SYT13: variants seen among roughly 807,000 people sequenced by gnomAD.
SYT13 encodes the protein synaptotagmin 13, also known as synaptotagmin-13.
In SYT13, 21 loss-of-function variants were observed where a neutral mutation model predicts 38.6. That is an observed-to-expected ratio of 0.54 (90% CI 0.39 to 0.78). SYT13 has a LOEUF of 0.78. Ranked by LOEUF, SYT13 falls within the 30% of genes least tolerant of loss-of-function variation. SYT13 has a pLI of 0.00. For missense variants in SYT13, 495 were observed against 548.7 expected, an observed-to-expected ratio of 0.90 and a Z score of 0.98; for synonymous variants, 241 against 237.6, an observed-to-expected ratio of 1.01 and a Z score of -0.13.
intron 1 of SYT13, among the ~76,000 whole-genome samples, chr11:45,277,728 T>A (rs909491232): frequency 6.6e-6 from 1 of 152,174 alleles, no homozygotes; most frequent in Admixed American, 6.5e-5. Context: ...CTTCTCCAAC[T>A]CTAGCTCGCA....
intron 1 of SYT13, among the ~76,000 whole-genome samples, chr11:45,273,077 T>C (rs936949501): frequency 6.6e-6 from 1 of 152,198 alleles, no homozygotes; most frequent in African/African-American, 2.4e-5. Context: ...TGGCACATTA[T>C]AACTGGGTAA....
chr11:45,261,668 C>A (rs1279080737), intron 1 of SYT13, among the ~76,000 whole-genome samples: 2 of 151,868 alleles, frequency 1.3e-5, no homozygotes, highest in African/African-American at 4.8e-5. Context: ...ATAATCCCAG[C>A]ACTTTGGGAG....
intron 1 of SYT13, among the ~76,000 whole-genome samples, chr11:45,268,468 T>C (rs1228284383): frequency 1.3e-5 from 2 of 152,038 alleles, no homozygotes; most frequent in African/African-American, 4.8e-5. Context: ...AGCTAAAATT[T>C]GAAGAAAAAG....
intron 4 of SYT13, among the ~76,000 whole-genome samples, chr11:45,248,260 T>C (rs1792055281): frequency 6.6e-6 from 1 of 152,188 alleles, no homozygotes. Context: ...AATTACATTG[T>C]CCATCCCACT....
At chr11:45,257,460 C>T (rs1854762737) in intron 1 of SYT13, among the ~76,000 whole-genome samples, 1 of 152,154 alleles carries the variant, frequency 6.6e-6, no homozygotes, top group Admixed American at 6.5e-5. Context: ...CCTGGCCCTC[C>T]CATCTCCATG....
chr11:45,265,190 C>T (rs1854866924), intron 1 of SYT13, among the ~76,000 whole-genome samples: 1 of 152,228 alleles, frequency 6.6e-6, no homozygotes. Flanking sequence ...GTACACTCAA[C>T]AATAGAGAAG....
At chr11:45,265,688 T>C (rs1381456223) in intron 1 of SYT13, among the ~76,000 whole-genome samples, 1 of 152,098 alleles carries the variant, frequency 6.6e-6, no homozygotes, top group African/African-American at 2.4e-5. Flanking sequence ...TCATGAGGGC[T>C]TTACCCTCAT....
At chr11:45,249,279 G>T (rs1304162752) in intron 4 of SYT13, among the ~76,000 whole-genome samples, 4 of 151,282 alleles carry the variant, frequency 2.6e-5, no homozygotes, top group Non-Finnish European at 5.9e-5. Flanking sequence ...TGGAGAAAAA[G>T]GAATGCTTTT....
intron 5 of SYT13, among the ~76,000 whole-genome samples, chr11:45,244,678 A>C (rs550144348): frequency 2.8e-4 from 43 of 152,262 alleles, no homozygotes; most frequent in African/African-American, 9.9e-4. Flanking sequence ...CCACTCCCCC[A>C]CTAGGCCATG....
chr11:45,248,708 C>T (rs1308521859), intron 4 of SYT13, among the ~76,000 whole-genome samples: 2 of 152,194 alleles, frequency 1.3e-5, no homozygotes, highest in Non-Finnish European at 2.9e-5. Context: ...ATTAGAGGGC[C>T]ACAGGTAGCC....
chr11:45,279,344 G>A (rs940792001), intron 1 of SYT13, among the ~76,000 whole-genome samples: 1 of 152,218 alleles, frequency 6.6e-6, no homozygotes, highest in Non-Finnish European at 1.5e-5. Context: ...CACTTTAGGA[G>A]GACAAGTCAG....
intron 1 of SYT13, among the ~76,000 whole-genome samples, chr11:45,281,173 ATGACAGAGCAAGACTC>A (rs902308440): frequency 4.0e-5 from 6 of 151,466 alleles, no homozygotes; most frequent in African/African-American, 1.5e-4. Flanking sequence ...TCCATTCTGG[ATGACAGAGCAAGACTC>A]TGTCTCAAAA....
chr11:45,271,204 T>C (rs1475657627), intron 1 of SYT13, among the ~76,000 whole-genome samples: 1 of 152,192 alleles, frequency 6.6e-6, no homozygotes, highest in Non-Finnish European at 1.5e-5. Context: ...CTACTATCCA[T>C]TAATAGGAAT....
rs558698340 is a variant in SYT13 at position 45,279,623 on chromosome 11, G to A, written c.183+6402C>T. On this transcript the variant is annotated intron_variant, in intron 1 of 5. Transcript: ENST00000020926. ...TAATATGGTTAAAATGCTTAGAACA[G>A]TGATTGGCACATATAAAGAACTTGA... Among the ~76,000 whole-genome samples, 16 of 152,258 alleles carry A rather than the reference G, an allele frequency of 1.1e-4. No homozygotes were observed. The East Asian group carries it at 3.1e-3, about 29-fold the overall frequency.
intron 1 of SYT13, among the ~76,000 whole-genome samples, chr11:45,283,321 C>A (rs988988857): frequency 1.3e-5 from 2 of 152,144 alleles, no homozygotes; most frequent in African/African-American, 4.8e-5. Flanking sequence ...GGCTATTAGG[C>A]CTTGGACACC....
At chr11:45,269,332 CA>C (rs529785391) in intron 1 of SYT13, 91 of 773,044 alleles carry the variant, frequency 1.2e-4, no homozygotes, top group South Asian at 4.6e-4. Context: ...AAAAAACAAA[CA>C]AAAAAACAAA....
chr11:45,283,678 G>C (rs557794317), intron 1 of SYT13, among the ~76,000 whole-genome samples: 1 of 152,356 alleles, frequency 6.6e-6, no homozygotes, highest in Non-Finnish European at 1.5e-5. Context: ...CCAGGTAAGG[G>C]AATGTGGATG....
rs1854540809 is a variant in SYT13 at position 45,240,761 on chromosome 11, G to A, written c.*3291C>T. Reference sequence around the variant, plus strand: ...TTCTATCCCCGTAGAAATCTCTGAAGAAAGAACCAGATCACCTTTTTGAGC... The same window carrying A: ...TTCTATCCCCGTAGAAATCTCTGAAAAAAGAACCAGATCACCTTTTTGAGC... On this transcript the variant is annotated 3_prime_UTR_variant, in exon 6 of 6. Transcript: ENST00000020926. 6.6e-6 allele frequency: 1 copy of A among 152,230 alleles called. No homozygotes were observed. Among genetic ancestry groups the A allele is most frequent in the Non-Finnish European group, 1.5e-5 (1 of 68,044 alleles). 9.4% of individuals were successfully genotyped at this position (152,230 alleles called of 1,614,324 possible).
chr11:45,270,941 G>A (rs1470530888), intron 1 of SYT13, among the ~76,000 whole-genome samples: 2 of 152,178 alleles, frequency 1.3e-5, no homozygotes, highest in Non-Finnish European at 2.9e-5. Flanking sequence ...ACAGAAATCA[G>A]AACATACTTG....
Sources: allele counts gnomAD v4.1 joint callset (sites outside exome capture counted in the v4.1 genomes callset), GRCh38; gene constraint gnomAD v4.1.1; transcripts MANE v1.5; gene names NCBI Gene and HGNC (gene_info 2026-07-23, HGNC 2026-07-21).